GRAMD1A: variants seen among roughly 807,000 people sequenced by gnomAD.
GRAMD1A encodes protein Aster-A.
Under a neutral mutation model 92.0 loss-of-function variants are expected in GRAMD1A, and 50 were observed. The ratio of observed to expected loss-of-function variants is 0.54; its 90% CI spans 0.43 to 0.69. The LOEUF (loss-of-function observed/expected upper bound fraction) is 0.69, where lower values mean the gene tolerates loss of function less well. Among genes scored for constraint, GRAMD1A ranks in the 30% least tolerant of loss-of-function variants. GRAMD1A has a pLI of 0.00. For missense variants in GRAMD1A, 819 were observed against 978.9 expected (o/e 0.84, Z 2.18); for synonymous variants, 405 against 403.6 (o/e 1.00, Z -0.04).
chr19:35,019,298 G>A lies in GRAMD1A; in HGVS notation c.1321G>A (p.Val441Met). 6.2e-7 allele frequency: 1 copy of A among 1,613,100 alleles called. No individual in the cohort carries two copies. The highest frequency in any genetic ancestry group is 8.5e-7 in the Non-Finnish European group (1 of 1,179,398). The stretch of plus-strand genomic sequence containing the variant: ...ACTGGGCCCCAAGAGCGCCTCCGTG[G>A]TGGAGACACAGGTGGGCCAGGTGGG... ...NPLGPKSASV[V>M]ETQTLFRRGP... is the part of the protein sequence containing the mutation. The change falls in exon 12 of 20, where the codon GTG becomes ATG. Residue 441 changes from valine (V) to methionine (M), a missense_variant. Around this residue, in one of 3 missense-constraint regions of GRAMD1A, gnomAD observed 577 missense variants for 674.6 expected, o/e 0.86. Transcript: ENST00000317991.
intron 11 of GRAMD1A, 142 bp from the exon 12 acceptor site, chr19:35,019,049 C>T: frequency 1.5e-6 from 1 of 667,588 alleles, no homozygotes; most frequent in South Asian, 1.8e-5. Flanking sequence ...GTTTTAGGCT[C>T]CTGGAAGGAA....
chr19:35,009,061 C>T, intron 1 of GRAMD1A, 58 bp from the exon 2 acceptor site: 1 of 1,160,582 alleles, frequency 8.6e-7, no homozygotes, highest in Non-Finnish European at 1.3e-6. Flanking sequence ...ATAGGCCTGT[C>T]CCCGAATCCC....
chr19:35,025,950 T>TAGAC lies in GRAMD1A; in HGVS notation c.2083-98_2083-95dup. 4.1e-6 allele frequency: 3 copies of TAGAC among 738,084 alleles called. No homozygotes were observed. The South Asian group carries it at 4.3e-5, about 11-fold the overall frequency. The allele number at this position is 738,084 out of a possible 1,614,324, so 45.7% of individuals were successfully genotyped here. ...CCCTGGGGTGGGGCAGTATGGCCTC[T>TAGAC]AGACCGTCCTCAGTTTCTCAATGGC... On this transcript the variant is annotated intron_variant, in intron 19 of 19. Transcript: ENST00000317991.
In GRAMD1A at chr19:35,013,695, A is replaced by AG; in HGVS notation, c.870+5dup. On this transcript the variant is annotated splice_donor_region_variant and intron_variant, in intron 9 of 19. Coordinates refer to ENST00000317991, the MANE Select transcript of GRAMD1A (RefSeq NM_020895.5). This position sits in a 1 kb window ranked among gnomAD's most constrained non-coding sequence, Gnocchi z 4.9. ...CAGCAGCGACGCAGACCATGGGGTG[A>AG]GCGGTGGGTTGGAAGAGGGGTGGGA... 1 of 1,602,386 alleles carries AG rather than the reference A, an allele frequency of 6.2e-7. No homozygotes were observed. Among genetic ancestry groups the AG allele is most frequent in the South Asian group, 1.1e-5 (1 of 90,114 alleles).
At chr19:35,022,478 TG>T (rs1358506443) in intron 16 of GRAMD1A, among the ~76,000 whole-genome samples, 1 of 151,510 alleles carries the variant, frequency 6.6e-6, no homozygotes, top group Non-Finnish European at 1.5e-5. Flanking sequence ...TGATCCGGGC[TG>T]GGATGGGGGA....
intron 2 of GRAMD1A, 31 bp from the exon 3 acceptor site, chr19:35,009,392 C>T: frequency 6.2e-7 from 1 of 1,613,976 alleles, no homozygotes. Context: ...GATCTAGGGG[C>T]TCATCCTGAC....
rs939849437 is a variant in GRAMD1A, at chr19:35,000,708, G to C, written c.8+222G>C. Among the ~76,000 whole-genome samples the C allele has an allele frequency of 3.9e-4, 60 of 152,126 alleles. No individual in the cohort carries two copies. The highest frequency in any genetic ancestry group is 1.1e-3 in the Admixed American group (17 of 15,302). ...GGCGCGGACGCAGGGCAGGGCCCGG[G>C]GTCTGGGTCGCCACTGCCGGCCCGC... is the stretch of plus-strand genomic sequence containing the variant. On this transcript the variant is annotated intron_variant, in intron 1 of 19. Coordinates refer to ENST00000317991, the MANE Select transcript of GRAMD1A (RefSeq NM_020895.5). This position sits in a 1 kb window ranked among gnomAD's most constrained non-coding sequence, Gnocchi z 4.9.
intron 11 of GRAMD1A, among the ~76,000 whole-genome samples, chr19:35,017,351 C>T (rs552127819): frequency 1.3e-5 from 2 of 152,156 alleles, no homozygotes; most frequent in Non-Finnish European, 2.9e-5. Context: ...CCTGACACGC[C>T]AGCCCTTTTA....
Position 35,009,763 on chromosome 19 carries a change from C to T in GRAMD1A, c.241-125C>T, listed in dbSNP as rs58338872. ...TAAATGGCAGCTGTCATTGTGGCTA[C>T]TGGTGTGTTGTGTGCGTTGGAATCT... On this transcript the variant is annotated intron_variant, in intron 3 of 19. Transcript: ENST00000317991. The T allele has an allele frequency of 1.1e-3, 800 of 723,492 alleles. 6 individuals carry two copies. The African/African-American group carries it at 0.012, about 11-fold the overall frequency. The allele number at this position is 723,492 out of a possible 1,614,324, so 44.8% of individuals were successfully genotyped here.
At position 35,009,887 on chromosome 19, in the gene GRAMD1A, G is replaced by C; in HGVS notation, c.241-1G>C. On this transcript the variant is annotated splice_acceptor_variant, in intron 3 of 19. Transcript: ENST00000317991. LOFTEE classifies it high-confidence loss of function. ...GGTTCTCACCTCTCAAACTTCCTCAGATGCTGAGCCCCACTTATAAGCAGC... is the reference window on the plus strand; with the variant it reads ...GGTTCTCACCTCTCAAACTTCCTCACATGCTGAGCCCCACTTATAAGCAGC... 5.0e-6 allele frequency: 8 copies of C among 1,601,124 alleles called. No homozygotes were observed. Among genetic ancestry groups the C allele is most frequent in the Non-Finnish European group, 6.8e-6 (8 of 1,168,146 alleles).
chr19:35,009,819 A>C, intron 3 of GRAMD1A, 69 bp from the exon 4 acceptor site: 1 of 931,676 alleles, frequency 1.1e-6, no homozygotes, highest in Non-Finnish European at 1.8e-6. Flanking sequence ...AGGGGGTTCC[A>C]GGAGCTTTGT....
At position 35,009,403 on chromosome 19, in the gene GRAMD1A, T is replaced by G. The variant is rs369787452; in HGVS notation, c.220-20T>G. 18 of 1,613,824 alleles carry G rather than the reference T, an allele frequency of 1.1e-5. No homozygotes were observed. The African/African-American group carries it at 2.4e-4, about 22-fold the overall frequency. On this transcript the variant is annotated intron_variant, in intron 2 of 19. Transcript: ENST00000317991. ...CGGTGATCTAGGGGCTCATCCTGAC[T>G]CCTCTCCTTTTCTTTGCAGAAGATG...
chr19:35,023,505 G>C lies in GRAMD1A; in HGVS notation c.2040G>C (p.Lys680Asn). 1 of 1,585,566 alleles carries C rather than the reference G, an allele frequency of 6.3e-7. No homozygotes were observed. Among genetic ancestry groups the C allele is most frequent in the Non-Finnish European group, 8.6e-7 (1 of 1,167,858 alleles). Residue 680 changes from lysine to asparagine, a missense_variant, in exon 19 of 20, where the codon AAG (lysine) becomes AAC (asparagine). By Grantham distance (94) the Lys-to-Asn change is moderately conservative (BLOSUM62 0). Transcript: ENST00000317991. ...AATTCCACAGCGTGGAGGTGCACAA[G>C]TGGAGGCAGATCCTGCGGGCCTCCG... is the stretch of plus-strand genomic sequence containing the variant. ...QKQFHSVEVH[K>N]WRQILRASVE...
At position 35,010,304 on chromosome 19, in the gene GRAMD1A, A is replaced by AGT. The variant is rs1294385347; in HGVS notation, c.452_453dup (p.Thr152Ter). The AGT allele has an allele frequency of 1.9e-6, 3 of 1,612,452 alleles. No individual in the cohort carries two copies. The highest frequency in any genetic ancestry group is 1.3e-5 in the African/African-American group (1 of 74,912). ...CTCAGATCTCCATCCAGCTGAAGGA[A>AGT]GTGACATGTCTGAAGAAGGAAAAGA... On this transcript the variant is annotated frameshift_variant, in exon 6 of 20. Transcript: ENST00000317991. LOFTEE classifies it high-confidence loss of function.
chr19:35,013,231 C>T lies in GRAMD1A; in HGVS notation c.607-25C>T, dbSNP rs781671874. 1.0e-5 allele frequency: 14 copies of T among 1,337,058 alleles called. No individual in the cohort carries two copies. The African/African-American group carries it at 1.9e-4, about 18-fold the overall frequency. The allele number at this position is 1,337,058 out of a possible 1,614,324, so 82.8% of individuals were successfully genotyped here. ...GGCTCTGGCTGGGGTGAGATGGAGG[C>T]CAACCCCAGGTCCCGCCTCCCCAGA... On this transcript the variant is annotated intron_variant, in intron 7 of 19. Transcript: ENST00000317991. This position sits in a 1 kb window ranked among gnomAD's most constrained non-coding sequence, Gnocchi z 4.9.
intron 16 of GRAMD1A, 152 bp from the exon 17 acceptor site, chr19:35,022,748 C>A: frequency 1.8e-6 from 1 of 565,362 alleles, no homozygotes; most frequent in Non-Finnish European, 2.7e-6. Context: ...CAGCTACATG[C>A]TCAGCCTCTG....
At chr19:35,006,355 C>T (rs1028887589) in intron 1 of GRAMD1A, among the ~76,000 whole-genome samples, 8 of 152,122 alleles carry the variant, frequency 5.3e-5, no homozygotes, top group African/African-American at 1.7e-4. Flanking sequence ...AAACCAGGCC[C>T]GTATCCTATG....
rs1225883442 is a variant in GRAMD1A at position 35,021,878 on chromosome 19, G to A, written c.1753+14G>A. 8 of 1,605,180 alleles carry A rather than the reference G, an allele frequency of 5.0e-6. No individual in the cohort carries two copies. The highest frequency in any genetic ancestry group is 6.8e-6 in the Non-Finnish European group (8 of 1,174,536). On this transcript the variant is annotated intron_variant, in intron 15 of 19. Coordinates refer to ENST00000317991, the MANE Select transcript of GRAMD1A (RefSeq NM_020895.5). This position sits in a 1 kb window ranked among gnomAD's most constrained non-coding sequence, Gnocchi z 5.3. ...TTCACACCTCGGGTACGTTCCGTTG[G>A]GGCCGGGTTGGGGTAGGCGGAGGAT...
upstream of GRAMD1A, among the ~76,000 whole-genome samples, chr19:34,999,690 T>C (rs1404262019): frequency 6.6e-6 from 1 of 152,104 alleles, no homozygotes; most frequent in East Asian, 1.9e-4. Context: ...ACCACCGAGT[T>C]AGTGGGACTC....
Sources: allele counts gnomAD v4.1 joint callset (sites outside exome capture counted in the v4.1 genomes callset), GRCh38; gene constraint gnomAD v4.1.1; regional missense constraint gnomAD v4.1.1; non-coding constraint Gnocchi (gnomAD v3.1); transcripts MANE v1.5; gene names NCBI Gene and HGNC (gene_info 2026-07-23, HGNC 2026-07-21).